The following MBD5 variants were observed in gnomAD, a reference collection of about 807,000 sequenced individuals.
MBD5 encodes the protein methyl-CpG binding domain protein 5.
MBD5 carries 13 observed loss-of-function variants against 117.3 expected under a neutral mutation model. That is an observed-to-expected ratio of 0.11 (90% CI 0.07 to 0.18). The LOEUF (loss-of-function observed/expected upper bound fraction) is 0.18. MBD5 is among the 10% of genes least tolerant of loss of function. The pLI is 1.00. For synonymous variants in MBD5, 727 were observed against 766.4 expected (o/e 0.95, Z 0.85); for missense variants, 1,879 against 2,093.8 (o/e 0.90, Z 2.00).
chr2:148,230,058 C>T (rs547282549), intron 2 of MBD5, among the ~76,000 whole-genome samples: 25 of 152,292 alleles, frequency 1.6e-4, no homozygotes, highest in African/African-American at 5.8e-4. Flanking sequence ...TGGGCTTCAG[C>T]CTGTGTTCAC....
rs1432230839 is a variant in MBD5, at chr2:148,274,585, T to G, written c.-680+41190T>G. ...TTGCATTTCTTAAAGTCCTAATTTTTTAAGAAGGATGGTAAAATTTCTGGG... is the reference window on the plus strand; with the variant it reads ...TTGCATTTCTTAAAGTCCTAATTTTGTAAGAAGGATGGTAAAATTTCTGGG... On this transcript the variant is annotated intron_variant, in intron 3 of 13. Coordinates refer to ENST00000642680, the MANE Select transcript of MBD5 (RefSeq NM_001378120.1). Among the ~76,000 whole-genome samples, 8 of 152,222 alleles carry G rather than the reference T, an allele frequency of 5.3e-5. 1 individual carries two copies. Among genetic ancestry groups the G allele is most frequent in the Non-Finnish European group, 2.9e-5 (2 of 68,048 alleles).
At chr2:148,109,689 T>A (rs1461713429) in intron 1 of MBD5, among the ~76,000 whole-genome samples, 2 of 152,214 alleles carry the variant, frequency 1.3e-5, no homozygotes, top group Non-Finnish European at 2.9e-5. Context: ...TGTATATCAG[T>A]TATAACTCAA....
intron 1 of MBD5, chr2:148,027,448 C>T (rs569985151): frequency 2.0e-5 from 3 of 151,852 alleles, no homozygotes; most frequent in Non-Finnish European, 4.4e-5. Context: ...ACTTAAGTAA[C>T]TTTTGTGTCT....
intron 4 of MBD5, among the ~76,000 whole-genome samples, chr2:148,367,886 AAATT>A (rs1703748019): frequency 6.6e-6 from 1 of 152,230 alleles, no homozygotes; most frequent in Non-Finnish European, 1.5e-5. Context: ...GTGGGAGTGT[AAATT>A]AATTCAATTA....
At chr2:148,226,839 T>C (rs1314324270) in intron 2 of MBD5, among the ~76,000 whole-genome samples, 1 of 152,248 alleles carries the variant, frequency 6.6e-6, no homozygotes, top group Admixed American at 6.5e-5. Flanking sequence ...ATTGTGGTTT[T>C]GATTTGCATT....
intron 2 of MBD5, among the ~76,000 whole-genome samples, chr2:148,212,363 T>C (rs963909100): frequency 5.3e-5 from 8 of 152,210 alleles, no homozygotes; most frequent in Non-Finnish European, 4.4e-5. Flanking sequence ...TCACTCATGG[T>C]AATGTTTTCA....
intron 1 of MBD5, among the ~76,000 whole-genome samples, chr2:148,164,014 T>C (rs1369265868): frequency 1.3e-5 from 2 of 152,190 alleles, no homozygotes; most frequent in African/African-American, 4.8e-5. Context: ...TTTCATGTAG[T>C]GTTTACTATT....
intron 1 of MBD5, among the ~76,000 whole-genome samples, chr2:148,114,717 G>T (rs896312046): frequency 6.6e-6 from 1 of 152,042 alleles, no homozygotes; most frequent in African/African-American, 2.4e-5. Flanking sequence ...AACATATTAG[G>T]AATTACCAGT....
intron 1 of MBD5, among the ~76,000 whole-genome samples, chr2:148,118,603 A>AG (rs199964812): frequency 0.038 from 5,834 of 151,968 alleles, 248 homozygotes; most frequent in African/African-American, 0.11. Context: ...AAGAAAAAAA[A>AG]AAACTATTAA....
chr2:148,251,269 C>T (rs1700457963), intron 3 of MBD5, among the ~76,000 whole-genome samples: 2 of 152,102 alleles, frequency 1.3e-5, no homozygotes, highest in Admixed American at 1.3e-4. Context: ...TCGAGAAATA[C>T]TGTACTTCAG....
chr2:148,364,330 A>G (rs1703631381), intron 4 of MBD5, among the ~76,000 whole-genome samples: 1 of 152,228 alleles, frequency 6.6e-6, no homozygotes, highest in Non-Finnish European at 1.5e-5. Context: ...ACCTTACAAG[A>G]GCTCCTGAAG....
chr2:148,195,797 G>A (rs563153691), intron 2 of MBD5, among the ~76,000 whole-genome samples: 27 of 152,220 alleles, frequency 1.8e-4, no homozygotes, highest in South Asian at 1.2e-3. Context: ...AAACTTATGC[G>A]TCAAGAAAAA....
rs1682324183 is a variant in MBD5, at chr2:148,515,319, A to G, written c.*2378A>G. ...TCCCTCCCATTGTATACTTTACATA[A>G]GTAGACCATGTAAAGTATGTTTGTG... On this transcript the variant is annotated 3_prime_UTR_variant, in exon 14 of 14. Coordinates refer to ENST00000642680, the MANE Select transcript of MBD5 (RefSeq NM_001378120.1). The G allele has an allele frequency of 6.6e-6, 1 of 152,180 alleles. No homozygotes were observed. The highest frequency in any genetic ancestry group is 2.1e-4 in the South Asian group (1 of 4,828). 9.4% of individuals were successfully genotyped at this position (152,180 alleles called of 1,614,324 possible).
chr2:148,223,043 A>G (rs1281473568), intron 2 of MBD5, among the ~76,000 whole-genome samples: 2 of 152,060 alleles, frequency 1.3e-5, no homozygotes, highest in Non-Finnish European at 2.9e-5. Flanking sequence ...TTTGTCTTTC[A>G]TTCTATTGAT....
chr2:148,513,086 G>T lies in MBD5; in HGVS notation c.*145G>T. 2 of 837,372 alleles carry T rather than the reference G, an allele frequency of 2.4e-6. No homozygotes were observed. Among genetic ancestry groups the T allele is most frequent in the East Asian group, 5.4e-5 (2 of 37,270 alleles). The allele number at this position is 837,372 out of a possible 1,614,324, so 51.9% of individuals were successfully genotyped here. On this transcript the variant is annotated 3_prime_UTR_variant, in exon 14 of 14. Transcript: ENST00000642680. ...CCACCACAGGGTGCTAAAAGAAACAGTGATACAAAATTTTTTTGATCAGGA... is the reference window on the plus strand; with the variant it reads ...CCACCACAGGGTGCTAAAAGAAACATTGATACAAAATTTTTTTGATCAGGA...
chr2:148,115,274 T>C (rs1482065387), intron 1 of MBD5, among the ~76,000 whole-genome samples: 2 of 152,194 alleles, frequency 1.3e-5, no homozygotes, highest in Admixed American at 6.5e-5. Context: ...ACAAAATAAA[T>C]ATTTCTGCAA....
chr2:148,206,963 A>G (rs751434326), intron 2 of MBD5, among the ~76,000 whole-genome samples: 16 of 152,250 alleles, frequency 1.1e-4, no homozygotes, highest in Non-Finnish European at 1.9e-4. Context: ...TGCTGTTTGC[A>G]AAACCAAATT....
intron 3 of MBD5, among the ~76,000 whole-genome samples, chr2:148,249,056 G>A (rs1453693698): frequency 6.6e-6 from 1 of 151,942 alleles, no homozygotes; most frequent in Non-Finnish European, 1.5e-5. Flanking sequence ...ACAAATTTTA[G>A]GAGAACATCT....
chr2:148,134,652 C>T (rs575349020), intron 1 of MBD5, among the ~76,000 whole-genome samples: 1 of 152,290 alleles, frequency 6.6e-6, no homozygotes, highest in South Asian at 2.1e-4. Flanking sequence ...TACATTTCTC[C>T]ACCGTCTTCT....
Sources: allele counts gnomAD v4.1 joint callset (sites outside exome capture counted in the v4.1 genomes callset), GRCh38; gene constraint gnomAD v4.1.1; transcripts MANE v1.5; gene names NCBI Gene and HGNC (gene_info 2026-07-23, HGNC 2026-07-21).